SLMAP: variants seen among roughly 807,000 people sequenced by gnomAD.
The protein encoded by SLMAP is sarcolemma associated protein.
In SLMAP, 44 loss-of-function variants were observed where a neutral mutation model predicts 128.8. The ratio of observed to expected loss-of-function variants is 0.34; its 90% CI spans 0.27 to 0.44. SLMAP has a LOEUF of 0.44. Ranked by LOEUF, SLMAP falls within the 20% of genes least tolerant of loss-of-function variation. SLMAP has a pLI of 1.00. For synonymous variants in SLMAP, 327 were observed against 348.8 expected, an observed-to-expected ratio of 0.94 and a Z score of 0.70; for missense variants, 787 against 985.3, an observed-to-expected ratio of 0.80 and a Z score of 2.69.
chr3:57,909,414 A>G (rs2096640354), intron 19 of SLMAP, among the ~76,000 whole-genome samples: 1 of 150,406 alleles, frequency 6.6e-6, no homozygotes, highest in South Asian at 2.2e-4. Context: ...AGGCAGGAGA[A>G]TTGCTTGAAC....
At chr3:57,920,013 C>T (rs1162359195) in intron 22 of SLMAP, among the ~76,000 whole-genome samples, 1 of 151,974 alleles carries the variant, frequency 6.6e-6, no homozygotes, top group Non-Finnish European at 1.5e-5. Context: ...CTTTGGTGCA[C>T]AGGGCAGACT....
intron 2 of SLMAP, among the ~76,000 whole-genome samples, chr3:57,788,326 G>A (rs1479085790): frequency 6.6e-6 from 1 of 152,172 alleles, no homozygotes. Context: ...TTAAATCTTT[G>A]TTTTTAGAAT....
rs537216894 is a variant in SLMAP at position 57,904,890 on chromosome 3, G to A, written c.1502-2994G>A. ...ATTCAGCCCTGGTGCAACATAGCAA[G>A]ACCCCATCTCTACAAAAAATTAAAA... On this transcript the variant is annotated intron_variant, in intron 17 of 24. Coordinates refer to ENST00000671191, the MANE Select transcript of SLMAP (RefSeq NM_001377540.1). Among the ~76,000 whole-genome samples, 43 of 151,854 alleles carry A rather than the reference G, an allele frequency of 2.8e-4. 1 individual carries two copies. In the South Asian group the frequency reaches 8.5e-3, roughly 30 times the overall value.
intron 2 of SLMAP, among the ~76,000 whole-genome samples, chr3:57,811,848 G>A (rs1420296796): frequency 6.6e-6 from 1 of 152,100 alleles, no homozygotes; most frequent in East Asian, 1.9e-4. Flanking sequence ...ATCTTTTCAT[G>A]TGCTTATTGG....
intron 6 of SLMAP, 105 bp from the exon 7 acceptor site, chr3:57,857,628 G>A: frequency 1.3e-6 from 1 of 749,764 alleles, no homozygotes; most frequent in South Asian, 1.7e-5. Flanking sequence ...AATACATCAA[G>A]TGGGATGTAA....
chr3:57,764,040 G>A (rs963327891), intron 2 of SLMAP, among the ~76,000 whole-genome samples: 3 of 152,096 alleles, frequency 2.0e-5, no homozygotes, highest in African/African-American at 7.2e-5. Context: ...AGACAGGAAC[G>A]TTTTCCTACT....
Position 57,860,708 on chromosome 3 carries a change from G to T in SLMAP, c.697G>T (p.Glu233Ter). 6.4e-7 allele frequency: 1 copy of T among 1,557,146 alleles called. No individual in the cohort carries two copies. The highest frequency in any genetic ancestry group is 8.6e-7 in the Non-Finnish European group (1 of 1,158,246). ...ATATCTTTTATTGTAGAATCAAACA[G>T]AAGATAGTTTACGAAAGGAACTTAT... ...QLQACSKNQT[E>*]DSLRKELIAL... The change falls in exon 9 of 25, where the codon GAA becomes TAA. Residue 233 changes from glutamate to a stop codon, truncating the protein, a stop_gained. Coordinates refer to ENST00000671191, the MANE Select transcript of SLMAP (RefSeq NM_001377540.1). LOFTEE classifies it high-confidence loss of function.
chr3:57,820,767 T>C lies in SLMAP; in HGVS notation c.199-10616T>C, dbSNP rs568634194. On this transcript the variant is annotated intron_variant, in intron 2 of 24. Transcript: ENST00000671191. ...CAGCTCTCTCTGGTCCTGCTCCTCCTGGTCCACTTCGTCCTCCATATCCAG... is the reference window on the plus strand; with the variant it reads ...CAGCTCTCTCTGGTCCTGCTCCTCCCGGTCCACTTCGTCCTCCATATCCAG... 1.8e-3 allele frequency among the ~76,000 whole-genome samples: 268 copies of C among 152,338 alleles called. 3 individuals carry two copies. Among genetic ancestry groups the C allele is most frequent in the Non-Finnish European group, 1.2e-3 (79 of 68,026 alleles).
intron 13 of SLMAP, among the ~76,000 whole-genome samples, chr3:57,867,619 G>A (rs754683157): frequency 6.6e-6 from 1 of 152,050 alleles, no homozygotes; most frequent in Non-Finnish European, 1.5e-5. Context: ...ACTTAGTTAA[G>A]GGTGGACTTT....
intron 2 of SLMAP, among the ~76,000 whole-genome samples, chr3:57,815,899 A>T (rs1046928028): frequency 1.3e-5 from 2 of 152,252 alleles, no homozygotes; most frequent in Admixed American, 1.3e-4. Flanking sequence ...GTATTTACAC[A>T]TATTCTGTGA....
At chr3:57,782,322 G>A (rs1057062954) in intron 2 of SLMAP, among the ~76,000 whole-genome samples, 2 of 152,010 alleles carry the variant, frequency 1.3e-5, no homozygotes, top group Admixed American at 1.3e-4. Context: ...TGCATTTATA[G>A]GCAGAAGTTT....
chr3:57,879,004 T>G (rs189683298), intron 14 of SLMAP, among the ~76,000 whole-genome samples: 232 of 152,324 alleles, frequency 1.5e-3, no homozygotes, highest in African/African-American at 5.2e-3. Context: ...TAGTTTCAAT[T>G]AGTTGTAGCT....
At chr3:57,838,111 C>T (rs1323148314) in intron 3 of SLMAP, among the ~76,000 whole-genome samples, 1 of 152,210 alleles carries the variant, frequency 6.6e-6, no homozygotes, top group East Asian at 1.9e-4. Flanking sequence ...CACAGGTTGT[C>T]ACCTCTGGAA....
intron 2 of SLMAP, among the ~76,000 whole-genome samples, chr3:57,767,991 T>C (rs2080078418): frequency 6.6e-6 from 1 of 152,234 alleles, no homozygotes; most frequent in Admixed American, 6.5e-5. Context: ...AACTTACCTC[T>C]ACTACTCCTA....
intron 14 of SLMAP, among the ~76,000 whole-genome samples, chr3:57,880,654 G>T (rs1405540473): frequency 1.3e-5 from 2 of 150,804 alleles, no homozygotes; most frequent in Admixed American, 1.3e-4. Context: ...AAGGTGGGAG[G>T]ATCGCTTGAG....
At chr3:57,896,375 A>G in intron 15 of SLMAP, 136 bp from the exon 16 acceptor site, 2 of 1,394,146 alleles carry the variant, frequency 1.4e-6, no homozygotes. Flanking sequence ...TGAAGAAGTA[A>G]GAGATTCAGT....
intron 17 of SLMAP, chr3:57,897,158 T>TA: frequency 8.0e-7 from 1 of 1,252,432 alleles, no homozygotes; most frequent in Non-Finnish European, 1.0e-6. Context: ...GACAAAGTGT[T>TA]AAGTGGTAGA....
chr3:57,819,242 A>G (rs1382096611), intron 2 of SLMAP, among the ~76,000 whole-genome samples: 5 of 152,234 alleles, frequency 3.3e-5, no homozygotes, highest in South Asian at 2.1e-4. Flanking sequence ...AGAATTAACT[A>G]TGACTAAAAA....
intron 15 of SLMAP, 90 bp downstream of exon 15, chr3:57,890,190 C>A: frequency 8.2e-7 from 1 of 1,223,944 alleles, no homozygotes; most frequent in Non-Finnish European, 1.2e-6. Context: ...TTTTAACCAT[C>A]AGTTTACTTC....
Sources: allele counts gnomAD v4.1 joint callset (sites outside exome capture counted in the v4.1 genomes callset), GRCh38; gene constraint gnomAD v4.1.1; transcripts MANE v1.5; gene names NCBI Gene and HGNC (gene_info 2026-07-23, HGNC 2026-07-21).